The following PALLD variants were observed in gnomAD, a reference collection of about 807,000 sequenced individuals.
PALLD encodes the protein palladin.
PALLD carries 61 observed loss-of-function variants against 123.5 expected under a neutral mutation model. That is an observed-to-expected ratio of 0.49 (90% CI 0.40 to 0.61). PALLD has a LOEUF of 0.61. PALLD is among the 20% of genes least tolerant of loss of function. PALLD has a pLI of 0.00. For missense variants in PALLD, 1,273 were observed against 1,377.0 expected (o/e 0.92, Z 1.20); for synonymous variants, 465 against 496.4 (o/e 0.94, Z 0.84).
At chr4:168,667,871 G>A (rs1047079391) in intron 2 of PALLD, among the ~76,000 whole-genome samples, 1 of 152,052 alleles carries the variant, frequency 6.6e-6, no homozygotes, top group Non-Finnish European at 1.5e-5. Flanking sequence ...AATGGAGGAG[G>A]TATTTGTTAT....
At chr4:168,813,057 G>A (rs1314263868) in intron 10 of PALLD, among the ~76,000 whole-genome samples, 1 of 151,762 alleles carries the variant, frequency 6.6e-6, no homozygotes, top group Non-Finnish European at 1.5e-5. Context: ...CAGTGTCCCT[G>A]TGGTTCTTTA....
At chr4:168,612,437 C>T (rs1486668433) in intron 2 of PALLD, among the ~76,000 whole-genome samples, 1 of 152,138 alleles carries the variant, frequency 6.6e-6, no homozygotes, top group Admixed American at 6.5e-5. Flanking sequence ...ATGATCACTA[C>T]AAGAACCATG....
rs115688980 is a variant in PALLD, at chr4:168,752,608, A to G, written c.1964+40685A>G. ...GTTCTGTGTTCTGAGATTAGGTGGC[A>G]TTGTGTTTCCTTTTTACGTTTTTTA... is the stretch of plus-strand genomic sequence containing the variant. On this transcript the variant is annotated intron_variant, in intron 10 of 21. Coordinates refer to ENST00000505667, the MANE Select transcript of PALLD (RefSeq NM_001166108.2). Among the ~76,000 whole-genome samples the G allele has an allele frequency of 1.7e-3, 264 of 152,284 alleles. 1 individual carries two copies. The highest frequency in any genetic ancestry group is 6.1e-3 in the African/African-American group (254 of 41,566).
intron 2 of PALLD, among the ~76,000 whole-genome samples, chr4:168,641,220 AAAGAG>A (rs1001916583): frequency 1.3e-4 from 19 of 150,232 alleles, no homozygotes; most frequent in African/African-American, 1.9e-4. Flanking sequence ...AAAAAAAAAA[AAAGAG>A]AGAGATTCTA....
intron 2 of PALLD, among the ~76,000 whole-genome samples, chr4:168,664,749 G>A (rs1300315100): frequency 6.7e-6 from 1 of 149,182 alleles, no homozygotes; most frequent in Non-Finnish European, 1.5e-5. Context: ...GTAAGTTAGG[G>A]TGTGACCCAA....
At position 168,571,301 on chromosome 4, in the gene PALLD, T is replaced by A. The variant is rs143480570; in HGVS notation, c.908+58889T>A. 2.8e-4 allele frequency among the ~76,000 whole-genome samples: 43 copies of A among 152,276 alleles called. No homozygotes were observed. The East Asian group carries it at 7.5e-3, about 27-fold the overall frequency. ...TATGTGTGATTCTGTGAACTGTAAG[T>A]AGAAGATTCTAGCTGGATCCATTTT... On this transcript the variant is annotated intron_variant, in intron 2 of 21. Coordinates refer to ENST00000505667, the MANE Select transcript of PALLD (RefSeq NM_001166108.2).
At chr4:168,818,741 T>TAAATACACAA (rs1399551629) in intron 10 of PALLD, among the ~76,000 whole-genome samples, 2 of 152,218 alleles carry the variant, frequency 1.3e-5, no homozygotes, top group Non-Finnish European at 2.9e-5. Context: ...ACAAAAAATT[T>TAAATACACAA]AGAAGTCAAA....
chr4:168,730,548 A>G (rs1424132589), intron 10 of PALLD, among the ~76,000 whole-genome samples: 1 of 152,056 alleles, frequency 6.6e-6, no homozygotes, highest in East Asian at 1.9e-4. Context: ...TTCCATAAAC[A>G]TGGAAAGCGT....
intron 10 of PALLD, among the ~76,000 whole-genome samples, chr4:168,833,224 A>AGCGCAAGGCAGGGGCGCGCTGGGGAG (rs1452340900): frequency 2.0e-5 from 3 of 151,270 alleles, no homozygotes; most frequent in Non-Finnish European, 4.4e-5. Context: ...CTTGCTGGGG[A>AGCGCAAGGCAGGGGCGCGCTGGGGAG]CGGAAGGGGG....
chr4:168,828,706 C>G (rs927339416), intron 10 of PALLD, among the ~76,000 whole-genome samples: 5 of 152,250 alleles, frequency 3.3e-5, no homozygotes, highest in Non-Finnish European at 5.9e-5. Flanking sequence ...TCCCCAAATA[C>G]TTGGCGAATT....
intron 2 of PALLD, among the ~76,000 whole-genome samples, chr4:168,640,360 C>T (rs541932751): frequency 2.6e-5 from 4 of 152,276 alleles, no homozygotes; most frequent in African/African-American, 9.6e-5. Flanking sequence ...ACCCCAGCTA[C>T]TGTCCCAAGT....
intron 10 of PALLD, among the ~76,000 whole-genome samples, chr4:168,888,660 A>G (rs1753703791): frequency 6.6e-6 from 1 of 152,158 alleles, no homozygotes; most frequent in South Asian, 2.1e-4. Context: ...CCACTCCTCC[A>G]GTCTCATTGG....
At chr4:168,809,496 T>C (rs1008862736) in intron 10 of PALLD, among the ~76,000 whole-genome samples, 2 of 152,048 alleles carry the variant, frequency 1.3e-5, no homozygotes, top group African/African-American at 2.4e-5. Context: ...AAAGAAGAAA[T>C]GCTCCAGGGA....
intron 10 of PALLD, chr4:168,829,148 G>A (rs1238702781): frequency 2.0e-5 from 3 of 152,234 alleles, no homozygotes; most frequent in Non-Finnish European, 4.4e-5. Context: ...CGGTTCGTGT[G>A]TAAAACCTTC....
chr4:168,718,043 C>T (rs1447321311), intron 10 of PALLD, among the ~76,000 whole-genome samples: 1 of 152,186 alleles, frequency 6.6e-6, no homozygotes, highest in African/African-American at 2.4e-5. Context: ...AACACCCCAT[C>T]AGATGCCAGA....
intron 2 of PALLD, among the ~76,000 whole-genome samples, chr4:168,556,752 A>G (rs1767347331): frequency 6.6e-6 from 1 of 152,234 alleles, no homozygotes; most frequent in African/African-American, 2.4e-5. Flanking sequence ...ATGAAAGTAC[A>G]GAAATTTGTG....
chr4:168,544,386 C>T (rs1200718068), intron 2 of PALLD, among the ~76,000 whole-genome samples: 2 of 152,212 alleles, frequency 1.3e-5, no homozygotes, highest in African/African-American at 4.8e-5. Context: ...AATATTGCAG[C>T]ATAGCTCATG....
At chr4:168,765,971 G>A (rs563755552) in intron 10 of PALLD, among the ~76,000 whole-genome samples, 18 of 152,212 alleles carry the variant, frequency 1.2e-4, no homozygotes, top group Non-Finnish European at 2.1e-4. Flanking sequence ...AATCTATTCT[G>A]TGACCATGTC....
intron 2 of PALLD, chr4:168,631,495 T>A (rs1420122687): frequency 2.0e-6 from 1 of 512,238 alleles, no homozygotes; most frequent in African/African-American, 2.1e-5. Flanking sequence ...GAGCATGGAG[T>A]GAAGGGAGTT....
Sources: gnomAD v4.1 joint callset for allele counts (sites outside exome capture counted in the v4.1 genomes callset) on GRCh38, gnomAD v4.1.1 for gene constraint, MANE v1.5 for transcripts, NCBI Gene and HGNC (gene_info 2026-07-23, HGNC 2026-07-21) for gene names.